WNK1: variants seen among roughly 807,000 people sequenced by gnomAD.
WNK1 encodes serine/threonine-protein kinase WNK1.
A neutral mutation model predicts 222.8 loss-of-function variants in WNK1; 38 were observed. The observed-to-expected ratio is 0.17, with a 90% confidence interval of 0.13 to 0.22. WNK1 has a LOEUF of 0.22. WNK1 is among the 10% of genes least tolerant of loss of function. WNK1 has a pLI of 1.00. For missense variants in WNK1, 2,348 were observed against 2,918.4 expected (o/e 0.80, Z 4.50); for synonymous variants, 1,090 against 1,092.9 (o/e 1.00, Z 0.05).
At chr12:867,340 G>C (rs1434542554) in intron 8 of WNK1, among the ~76,000 whole-genome samples, 1 of 152,254 alleles carries the variant, frequency 6.6e-6, no homozygotes. Context: ...TTTCTGGTTA[G>C]AAGGCATACT....
chr12:860,912 C>CT (rs1271795904), intron 6 of WNK1, 101 bp from the exon 7 acceptor site: 11 of 1,044,454 alleles, frequency 1.1e-5, no homozygotes, highest in Admixed American at 2.4e-5. Context: ...CTCTTCTCTA[C>CT]TTTTTTTACA....
chr12:792,699 T>C (rs1944959976), intron 1 of WNK1, among the ~76,000 whole-genome samples: 1 of 152,142 alleles, frequency 6.6e-6, no homozygotes, highest in Non-Finnish European at 1.5e-5. Flanking sequence ...TATAAAAAAT[T>C]TACAGCAGAA....
At chr12:789,082 T>G (rs1201593102) in intron 1 of WNK1, among the ~76,000 whole-genome samples, 2 of 152,154 alleles carry the variant, frequency 1.3e-5, no homozygotes, top group Non-Finnish European at 2.9e-5. Context: ...ACATCTTTGT[T>G]GGTGAAATCA....
chr12:798,065 A>G (rs188157078), intron 1 of WNK1, among the ~76,000 whole-genome samples: 85 of 152,182 alleles, frequency 5.6e-4, no homozygotes, highest in African/African-American at 1.7e-3. Context: ...GTGAAAATCA[A>G]TTGTGTCTGG....
At chr12:762,188 T>C (rs1941115962) in intron 1 of WNK1, among the ~76,000 whole-genome samples, 1 of 145,576 alleles carries the variant, frequency 6.9e-6, no homozygotes, top group Admixed American at 6.8e-5. Flanking sequence ...GCCTCCCGAG[T>C]AGCTGGGATT....
At position 753,259 on chromosome 12, in the gene WNK1, C is replaced by A. The variant is rs1398001345; in HGVS notation, c.-307C>A. The stretch of plus-strand genomic sequence containing the variant: ...GCCTCTGCTGCCACCGCCCGCCCGG[C>A]CGCCGCTCGCCGCAGGATGGATGCG... On this transcript the variant is annotated 5_prime_UTR_variant, in exon 1 of 28. Transcript: ENST00000315939. This position sits in a 1 kb window ranked among gnomAD's most constrained non-coding sequence, Gnocchi z 5.2. 3 of 356,552 alleles carry A rather than the reference C, an allele frequency of 8.4e-6. No individual in the cohort carries two copies. Among genetic ancestry groups the A allele is most frequent in the Non-Finnish European group, 1.5e-5 (3 of 196,352 alleles). 22.1% of individuals were successfully genotyped at this position (356,552 alleles called of 1,614,324 possible). A position where few individuals can be genotyped will look rare whatever the true frequency, so the allele number is the denominator to read the frequency against.
At chr12:895,863 A>C (rs533371785) in intron 23 of WNK1, among the ~76,000 whole-genome samples, 1 of 152,342 alleles carries the variant, frequency 6.6e-6, no homozygotes, top group East Asian at 1.9e-4. Context: ...AGCCAGCCAC[A>C]CAGAATCTGC....
chr12:765,776 T>C (rs1941619567), intron 1 of WNK1, among the ~76,000 whole-genome samples: 1 of 152,092 alleles, frequency 6.6e-6, no homozygotes, highest in Non-Finnish European at 1.5e-5. Context: ...CCAAAAAATT[T>C]TAAAAATAAA....
intron 8 of WNK1, chr12:868,589 T>G (rs749873131): frequency 6.2e-7 from 1 of 1,614,020 alleles, no homozygotes; most frequent in East Asian, 2.2e-5. Context: ...GCCTGCTGTG[T>G]TAACTCATAA....
chr12:774,875 C>G (rs566159016), intron 1 of WNK1, among the ~76,000 whole-genome samples: 1 of 152,290 alleles, frequency 6.6e-6, no homozygotes, highest in Admixed American at 6.5e-5. Flanking sequence ...TCTCCCCTAA[C>G]CAGTTTTCAT....
chr12:813,844 C>G (rs373944196), intron 2 of WNK1, 30 bp downstream of exon 2: 1 of 1,609,486 alleles, frequency 6.2e-7, no homozygotes, highest in African/African-American at 1.3e-5. Flanking sequence ...AAAAGCTGAC[C>G]AAGAAGTATG....
At chr12:843,532 G>A (rs1438267628) in intron 4 of WNK1, among the ~76,000 whole-genome samples, 1 of 152,168 alleles carries the variant, frequency 6.6e-6, no homozygotes, top group Non-Finnish European at 1.5e-5. Context: ...AAAGAAGATT[G>A]CTAAATTCTC....
chr12:811,669 T>C (rs1022154581), intron 1 of WNK1, among the ~76,000 whole-genome samples: 2 of 152,142 alleles, frequency 1.3e-5, no homozygotes, highest in Non-Finnish European at 2.9e-5. Flanking sequence ...GCTAAAATTA[T>C]GTACTTCTCT....
intron 22 of WNK1, among the ~76,000 whole-genome samples, chr12:892,387 T>G (rs1276264396): frequency 6.6e-6 from 1 of 152,202 alleles, no homozygotes; most frequent in Non-Finnish European, 1.5e-5. Context: ...TAAATGAGTT[T>G]GTGTTTCAAT....
chr12:836,843 G>T (rs1404274827), intron 4 of WNK1, among the ~76,000 whole-genome samples: 1 of 152,118 alleles, frequency 6.6e-6, no homozygotes, highest in African/African-American at 2.4e-5. Context: ...GACCTTTGGG[G>T]ACTTGATTGA....
chr12:767,306 G>T (rs773632393), intron 1 of WNK1, among the ~76,000 whole-genome samples: 44 of 127,812 alleles, frequency 3.4e-4, no homozygotes, highest in Non-Finnish European at 6.7e-4. Context: ...ACGCTGGAGC[G>T]CAGTGGTGCA....
At chr12:869,627 T>C (rs1951969566) in intron 8 of WNK1, among the ~76,000 whole-genome samples, 1 of 151,998 alleles carries the variant, frequency 6.6e-6, no homozygotes, top group Admixed American at 6.6e-5. Flanking sequence ...AAGTATATCA[T>C]GGGAATAAAA....
intron 1 of WNK1, among the ~76,000 whole-genome samples, chr12:810,483 A>G (rs1416454476): frequency 2.0e-5 from 3 of 152,216 alleles, no homozygotes; most frequent in Non-Finnish European, 4.4e-5. Flanking sequence ...ATAAGACTTG[A>G]GGACCAGATA....
chr12:774,120 C>T (rs918319427), intron 1 of WNK1, among the ~76,000 whole-genome samples: 10 of 152,258 alleles, frequency 6.6e-5, no homozygotes, highest in Admixed American at 3.3e-4. Flanking sequence ...TCACCTACAC[C>T]GCTTGTCATT....
Sources: allele counts gnomAD v4.1 joint callset (sites outside exome capture counted in the v4.1 genomes callset), GRCh38; gene constraint gnomAD v4.1.1; non-coding constraint Gnocchi (gnomAD v3.1); transcripts MANE v1.5; gene names NCBI Gene and HGNC (gene_info 2026-07-23, HGNC 2026-07-21).